Variants in RBP2 observed in about 807,000 individuals in gnomAD.
RBP2 encodes retinol-binding protein 2.
In RBP2, 17 loss-of-function variants were observed where a neutral mutation model predicts 17.0. That is an observed-to-expected ratio of 1.00 (90% confidence interval 0.68 to 1.50). The LOEUF (loss-of-function observed/expected upper bound fraction) is 1.50. Among genes scored for constraint, RBP2 ranks in the 40% most tolerant of loss-of-function variants. RBP2 has a pLI of 0.00. For synonymous variants in RBP2, 48 were observed against 57.1 expected, an observed-to-expected ratio of 0.84 and a Z score of 0.72; for missense variants, 158 against 168.2, an observed-to-expected ratio of 0.94 and a Z score of 0.33.
chr3:139,453,111 C>T lies in RBP2; in HGVS notation c.*5G>A, dbSNP rs969653319. Reference sequence around the variant, plus strand: ...CTTGTGCTTGGCAGGCCTCCCACGTCGCCATCATTTCTTTTTGAACACTTG... The same window carrying T: ...CTTGTGCTTGGCAGGCCTCCCACGTTGCCATCATTTCTTTTTGAACACTTG... On this transcript the variant is annotated 3_prime_UTR_variant, in exon 4 of 4. Transcript: ENST00000232217. 13 of 1,614,022 alleles carry T rather than the reference C, an allele frequency of 8.1e-6. No individual in the cohort carries two copies. Among genetic ancestry groups the T allele is most frequent in the African/African-American group, 8.0e-5 (6 of 74,898 alleles).
Position 139,453,065 on chromosome 3 carries a change from C to T in RBP2, c.*51G>A, listed in dbSNP as rs1423128636. ...GCTGTTTCTCAAAGCCAGTAGACCA[C>T]TCAGTGTGGGCAGTGGGGAGCTTGT... On this transcript the variant is annotated 3_prime_UTR_variant, in exon 4 of 4. Coordinates refer to ENST00000232217, the MANE Select transcript of RBP2 (RefSeq NM_004164.3). 11 of 1,608,356 alleles carry T rather than the reference C, an allele frequency of 6.8e-6. No homozygotes were observed. The highest frequency in any genetic ancestry group is 9.4e-6 in the Non-Finnish European group (11 of 1,174,798).
In RBP2 at chr3:139,462,294, T is replaced by C; in HGVS notation, c.74-4A>G. The C allele has an allele frequency of 6.2e-7, 1 of 1,614,032 alleles. No individual in the cohort carries two copies. The highest frequency in any genetic ancestry group is 8.5e-7 in the Non-Finnish European group (1 of 1,179,916). ...TTGCGGGTGGCAAAATCAATATCTG[T>C]TGGCAAAGGGAGTTGTGGAGGTTAT... On this transcript the variant is annotated splice_polypyrimidine_tract_variant and splice_region_variant and intron_variant, in intron 1 of 3. Coordinates refer to ENST00000232217, the MANE Select transcript of RBP2 (RefSeq NM_004164.3).
At chr3:139,455,240 T>C (rs1163529355) in intron 2 of RBP2, among the ~76,000 whole-genome samples, 1 of 152,144 alleles carries the variant, frequency 6.6e-6, no homozygotes, top group East Asian at 1.9e-4. Flanking sequence ...CTTATATATA[T>C]AAAGGGCTCC....
At chr3:139,475,176 CA>C (rs1170870909) in intron 1 of RBP2, among the ~76,000 whole-genome samples, 2 of 151,744 alleles carry the variant, frequency 1.3e-5, no homozygotes, top group African/African-American at 4.8e-5. Context: ...AAAAATTAGC[CA>C]GGCGTGGTGG....
At chr3:139,467,636 G>T (rs1933409336) in intron 1 of RBP2, among the ~76,000 whole-genome samples, 1 of 152,144 alleles carries the variant, frequency 6.6e-6, no homozygotes, top group Admixed American at 6.5e-5. Context: ...ATGGTAAAAT[G>T]CTTTACATAG....
intron 2 of RBP2, among the ~76,000 whole-genome samples, chr3:139,459,396 A>ATGTG (rs751257475): frequency 4.2e-5 from 2 of 47,176 alleles, no homozygotes; most frequent in Non-Finnish European, 8.9e-5. Flanking sequence ...TTTCTACTAT[A>ATGTG]TATATGTGTG....
intron 2 of RBP2, among the ~76,000 whole-genome samples, chr3:139,460,475 TTGACTGAGAAATAAAG>T: frequency 6.6e-6 from 1 of 152,198 alleles, no homozygotes; most frequent in East Asian, 1.9e-4. Flanking sequence ...ACAGGACAAC[TTGACTGAGAAATAAAG>T]TGTGTCCAGC....
chr3:139,475,802 G>A (rs552186085), intron 1 of RBP2, among the ~76,000 whole-genome samples: 1 of 152,310 alleles, frequency 6.6e-6, no homozygotes, highest in South Asian at 2.1e-4. Context: ...CCACTCTGTG[G>A]TGAACTCAGG....
chr3:139,463,377 C>T (rs1309731777), intron 1 of RBP2, among the ~76,000 whole-genome samples: 3 of 151,946 alleles, frequency 2.0e-5, no homozygotes, highest in Non-Finnish European at 2.9e-5. Context: ...TAATAGAGAT[C>T]GGTTTTCACC....
chr3:139,459,398 A>ATGTGTGTGTG (rs201355065), intron 2 of RBP2, among the ~76,000 whole-genome samples: 4 of 36,196 alleles, frequency 1.1e-4, no homozygotes, highest in Non-Finnish European at 1.9e-4. Flanking sequence ...TCTACTATAT[A>ATGTGTGTGTG]TATGTGTGTG....
chr3:139,466,135 A>G (rs1933355006), intron 1 of RBP2, among the ~76,000 whole-genome samples: 1 of 152,144 alleles, frequency 6.6e-6, no homozygotes, highest in Non-Finnish European at 1.5e-5. Flanking sequence ...GTAGAATTTC[A>G]TAGATTCTTT....
intron 1 of RBP2, among the ~76,000 whole-genome samples, chr3:139,464,825 C>T (rs1174841413): frequency 1.3e-5 from 2 of 152,108 alleles, no homozygotes; most frequent in Non-Finnish European, 2.9e-5. Flanking sequence ...AAGCTAGTTT[C>T]CTTTCTGGAT....
chr3:139,453,247 G>C, intron 3 of RBP2, 81 bp from the exon 4 acceptor site: 1 of 1,526,608 alleles, frequency 6.6e-7, no homozygotes, highest in South Asian at 1.1e-5. Context: ...GGTATCTGGG[G>C]GTGGGAGGTT....
At chr3:139,476,350 C>T in intron 1 of RBP2, 37 bp downstream of exon 1, 1 of 1,591,868 alleles carries the variant, frequency 6.3e-7, no homozygotes, top group Non-Finnish European at 8.6e-7. Context: ...GTACTCCCAA[C>T]AACAGCTACC....
intron 1 of RBP2, among the ~76,000 whole-genome samples, chr3:139,466,183 G>A (rs1468492119): frequency 1.3e-5 from 2 of 152,176 alleles, no homozygotes; most frequent in East Asian, 1.9e-4. Flanking sequence ...AAGTTGGAGG[G>A]AAGGTAGAGG....
At position 139,476,464 on chromosome 3, in the gene RBP2, G is replaced by GTGGCC; in HGVS notation, c.-10_-6dup. On this transcript the variant is annotated 5_prime_UTR_variant, in exon 1 of 4. Coordinates refer to ENST00000232217, the MANE Select transcript of RBP2 (RefSeq NM_004164.3). The stretch of plus-strand genomic sequence containing the variant: ...TCCATTCTGGTCCCTTGTCATGGTG[G>GTGGCC]TGGCCACTGGTTCGGTGAGGGTTTG... 6.2e-7 allele frequency: 1 copy of GTGGCC among 1,613,862 alleles called. No homozygotes were observed. Among genetic ancestry groups the GTGGCC allele is most frequent in the Middle Eastern group, 1.6e-4 (1 of 6,062 alleles).
intron 2 of RBP2, among the ~76,000 whole-genome samples, chr3:139,460,240 T>A (rs1482472176): frequency 6.6e-6 from 1 of 152,224 alleles, no homozygotes; most frequent in Admixed American, 6.5e-5. Flanking sequence ...ATGAATTGGC[T>A]TTTCAGCCAG....
intron 1 of RBP2, among the ~76,000 whole-genome samples, chr3:139,475,893 A>G (rs201857403): frequency 6.6e-6 from 1 of 152,212 alleles, no homozygotes; most frequent in Admixed American, 6.5e-5. Flanking sequence ...CTATCTGACA[A>G]CAGCCTCTCT....
intron 2 of RBP2, among the ~76,000 whole-genome samples, chr3:139,458,497 C>A (rs1279806053): frequency 6.6e-6 from 1 of 152,134 alleles, no homozygotes; most frequent in Non-Finnish European, 1.5e-5. Context: ...TAAAATTCAC[C>A]CTTTTAAGAT....
Sources: allele counts gnomAD v4.1 joint callset (sites outside exome capture counted in the v4.1 genomes callset), GRCh38; gene constraint gnomAD v4.1.1; transcripts MANE v1.5; gene names NCBI Gene and HGNC (gene_info 2026-07-23, HGNC 2026-07-21).